Variants in ATP2A2 observed in about 807,000 individuals in gnomAD.
The protein encoded by ATP2A2 is ATPase sarcoplasmic/endoplasmic reticulum Ca2+ transporting 2.
In ATP2A2, 14 loss-of-function variants were observed where a neutral mutation model predicts 109.3. That is an observed-to-expected ratio of 0.13 (90% CI 0.08 to 0.20). The LOEUF is 0.20. ATP2A2 is among the 10% of genes least tolerant of loss of function. The pLI, the probability that ATP2A2 is intolerant of heterozygous loss-of-function variation, is 1.00. For missense variants in ATP2A2, 657 were observed against 1,321.6 expected (o/e 0.50, Z 7.80); for synonymous variants, 506 against 490.9 (o/e 1.03, Z -0.41).
chr12:110,313,310 CT>C (rs748790705), intron 5 of ATP2A2, among the ~76,000 whole-genome samples: 109 of 113,196 alleles, frequency 9.6e-4, no homozygotes, highest in South Asian at 9.1e-3. Context: ...ACCACCTTTC[CT>C]TTTTTTTTTT....
At chr12:110,304,796 G>A (rs1347112877) in intron 5 of ATP2A2, among the ~76,000 whole-genome samples, 3 of 152,002 alleles carry the variant, frequency 2.0e-5, no homozygotes, top group Non-Finnish European at 4.4e-5. Flanking sequence ...TTGTGCTTTT[G>A]GTGTGATGTC....
Position 110,296,127 on chromosome 12 carries a change from GTTTTT to G in ATP2A2, c.325-469_325-465del, listed in dbSNP as rs146088514. The G allele has an allele frequency of 3.5e-3, 583 of 166,726 alleles. 2 individuals are homozygous for G. Among genetic ancestry groups the G allele is most frequent in the Middle Eastern group, 6.2e-3 (2 of 324 alleles). The allele number at this position is 166,726 out of a possible 1,614,324, so 10.3% of individuals were successfully genotyped here. On this transcript the variant is annotated intron_variant, in intron 4 of 19. Coordinates refer to ENST00000539276, the MANE Select transcript of ATP2A2 (RefSeq NM_170665.4). Reference sequence around the variant, plus strand: ...GGTTTTTTTTGTTTTGTTTTGTTTTGTTTTTTTGACATAGTCTCTTTCTGTTGCCC... The same window carrying G: ...GGTTTTTTTTGTTTTGTTTTGTTTTGTTGACATAGTCTCTTTCTGTTGCCC...
intron 3 of ATP2A2, among the ~76,000 whole-genome samples, chr12:110,289,981 T>G (rs1873091509): frequency 6.6e-6 from 1 of 152,216 alleles, no homozygotes; most frequent in South Asian, 2.1e-4. Context: ...AAGTTTATAG[T>G]TGTATGAGCT....
At chr12:110,336,520 A>G (rs2137841982) in intron 11 of ATP2A2, among the ~76,000 whole-genome samples, 1 of 152,234 alleles carries the variant, frequency 6.6e-6, no homozygotes, top group African/African-American at 2.4e-5. Context: ...AACCTCAAAT[A>G]TCAGGCATTT....
intron 5 of ATP2A2, among the ~76,000 whole-genome samples, chr12:110,310,975 C>T (rs1875966802): frequency 6.6e-6 from 1 of 152,170 alleles, no homozygotes; most frequent in African/African-American, 2.4e-5. Context: ...CCTAGTTCTG[C>T]ATGACATTGG....
chr12:110,296,705 A>C lies in ATP2A2; in HGVS notation c.431A>C (p.Asp144Ala). ...AGTGTGCAGCGGATTAAAGCTAAAG[A>C]CATAGTTCCTGGTGATATTGTAGAA... Reference protein sequence around the residue: ...RKSVQRIKAKDIVPGDIVEIA... With the variant: ...RKSVQRIKAKAIVPGDIVEIA... Residue 144 changes from aspartate to alanine, a missense_variant, in exon 5 of 20, where the codon GAC becomes GCC. Coordinates refer to ENST00000539276, the MANE Select transcript of ATP2A2 (RefSeq NM_170665.4). The C allele has an allele frequency of 6.2e-7, 1 of 1,613,978 alleles. No individual in the cohort carries two copies. Among genetic ancestry groups the C allele is most frequent in the Non-Finnish European group, 8.5e-7 (1 of 1,179,968 alleles).
At chr12:110,315,303 A>G (rs1876550761) in intron 5 of ATP2A2, among the ~76,000 whole-genome samples, 1 of 152,232 alleles carries the variant, frequency 6.6e-6, no homozygotes, top group Non-Finnish European at 1.5e-5. Context: ...TGCTTAGTGC[A>G]TGGTTGCCTT....
intron 5 of ATP2A2, among the ~76,000 whole-genome samples, chr12:110,314,532 TA>T (rs942821141): frequency 2.6e-5 from 4 of 152,238 alleles, no homozygotes; most frequent in African/African-American, 9.6e-5. Flanking sequence ...TAGATAGCCA[TA>T]AAAATAGAGG....
In ATP2A2 at chr12:110,339,138, A is replaced by G; in HGVS notation, c.1420-143A>G. On this transcript the variant is annotated intron_variant, in intron 11 of 19. Transcript: ENST00000539276. This position sits in a 1 kb window ranked among gnomAD's most constrained non-coding sequence, Gnocchi z 4.4. ...TCTGTCTCTCCCAAAATAGGGGACA[A>G]GTTTCATGAGGGCAAAAACCTGTCT... 1.8e-6 allele frequency: 2 copies of G among 1,125,556 alleles called. No individual in the cohort carries two copies. Among genetic ancestry groups the G allele is most frequent in the Admixed American group, 3.8e-5 (2 of 53,030 alleles). 69.7% of individuals were successfully genotyped at this position (1,125,556 alleles called of 1,614,324 possible).
At chr12:110,333,354 T>C (rs1878530792) in intron 10 of ATP2A2, 71 bp downstream of exon 10, 19 of 1,353,246 alleles carry the variant, frequency 1.4e-5, no homozygotes, top group Non-Finnish European at 1.8e-5. Flanking sequence ...AATGAAAGTC[T>C]AGCCTGCCTT....
At chr12:110,313,567 G>GGC (rs1169105158) in intron 5 of ATP2A2, among the ~76,000 whole-genome samples, 1 of 149,838 alleles carries the variant, frequency 6.7e-6, no homozygotes, top group Non-Finnish European at 1.5e-5. Context: ...CATCTGCCTT[G>GGC]GCCTCCCAAA....
chr12:110,283,898 A>G (rs147563991), intron 3 of ATP2A2, among the ~76,000 whole-genome samples: 16 of 152,342 alleles, frequency 1.1e-4, no homozygotes, highest in African/African-American at 3.6e-4. Context: ...GTGGGCATTT[A>G]TTTAGTTCAG....
At chr12:110,325,161 G>A (rs1246098812) in intron 6 of ATP2A2, among the ~76,000 whole-genome samples, 1 of 151,970 alleles carries the variant, frequency 6.6e-6, no homozygotes, top group African/African-American at 2.4e-5. Flanking sequence ...ACTTCATAGA[G>A]GTTCTCGAAT....
chr12:110,302,797 C>T (rs1473457609), intron 5 of ATP2A2, among the ~76,000 whole-genome samples: 1 of 152,064 alleles, frequency 6.6e-6, no homozygotes, highest in African/African-American at 2.4e-5. Context: ...TGGGGTTTTG[C>T]CATATTGGCC....
chr12:110,305,528 C>T (rs1875190390), intron 5 of ATP2A2, among the ~76,000 whole-genome samples: 1 of 152,206 alleles, frequency 6.6e-6, no homozygotes, highest in Admixed American at 6.5e-5. Context: ...ACTAATTTGT[C>T]CTGCAACCTT....
rs1879928036 is a variant in ATP2A2 at position 110,347,001 on chromosome 12, C to A, written c.*531C>A. ...TGTTTTGGTTTGCTACTTCCCTCAC[C>A]CACTTTGGCCTCCGTTCACCCCACC... On this transcript the variant is annotated 3_prime_UTR_variant, in exon 20 of 20. Coordinates refer to ENST00000539276, the MANE Select transcript of ATP2A2 (RefSeq NM_170665.4). 1.8e-6 allele frequency: 2 copies of A among 1,101,656 alleles called. No individual in the cohort carries two copies. Among genetic ancestry groups the A allele is most frequent in the Admixed American group, 4.9e-5 (1 of 20,614 alleles). 68.2% of individuals were successfully genotyped at this position (1,101,656 alleles called of 1,614,324 possible).
At chr12:110,288,401 A>T (rs1872889012) in intron 3 of ATP2A2, among the ~76,000 whole-genome samples, 1 of 151,348 alleles carries the variant, frequency 6.6e-6, no homozygotes, top group Non-Finnish European at 1.5e-5. Flanking sequence ...GAAACAGATA[A>T]TTCTTTTTTT....
At chr12:110,323,827 A>T (rs913028625) in intron 6 of ATP2A2, among the ~76,000 whole-genome samples, 2 of 152,242 alleles carry the variant, frequency 1.3e-5, no homozygotes, top group Non-Finnish European at 2.9e-5. Context: ...TACCATAGGT[A>T]AATCTTAAGG....
intron 3 of ATP2A2, among the ~76,000 whole-genome samples, chr12:110,283,804 T>G (rs1872398280): frequency 6.6e-6 from 1 of 152,222 alleles, no homozygotes; most frequent in Non-Finnish European, 1.5e-5. Context: ...TGTACATATA[T>G]GTATGCAGGT....
Sources: gnomAD v4.1 joint callset for allele counts (sites outside exome capture counted in the v4.1 genomes callset) on GRCh38, gnomAD v4.1.1 for gene constraint, Gnocchi (gnomAD v3.1) non-coding constraint, MANE v1.5 for transcripts, NCBI Gene and HGNC (gene_info 2026-07-23, HGNC 2026-07-21) for gene names.